FANCC: variants seen among roughly 807,000 people sequenced by gnomAD.
FANCC encodes the protein FA complementation group C, also known as Fanconi anemia group C protein.
A neutral mutation model predicts 71.3 loss-of-function variants in FANCC; 55 were observed. The ratio of observed to expected loss-of-function variants is 0.77; its 90% confidence interval spans 0.62 to 0.97. The LOEUF is 0.97. FANCC is among the 50% of genes least tolerant of loss of function. The probability of loss-of-function intolerance (pLI) is 0.00; values close to 1 mark genes in which losing one functional copy is unlikely to be tolerated. For missense variants in FANCC, 678 were observed against 670.9 expected, an observed-to-expected ratio of 1.01 and a Z score of -0.12; for synonymous variants, 275 against 244.9, an observed-to-expected ratio of 1.12 and a Z score of -1.15.
chr9:95,266,290 G>A (rs1832380094), intron 1 of FANCC, among the ~76,000 whole-genome samples: 1 of 152,098 alleles, frequency 6.6e-6, no homozygotes, highest in South Asian at 2.1e-4. Context: ...TCTACAAAAT[G>A]AGTAAAATTT....
chr9:95,242,170 A>AT (rs1204673841), intron 3 of FANCC, among the ~76,000 whole-genome samples: 3 of 152,034 alleles, frequency 2.0e-5, no homozygotes, highest in Admixed American at 1.3e-4. Flanking sequence ...GAGGCCATTC[A>AT]TTTTTTTCCC....
chr9:95,154,048 C>T (rs958727411), intron 6 of FANCC, among the ~76,000 whole-genome samples: 2 of 151,852 alleles, frequency 1.3e-5, no homozygotes, highest in African/African-American at 4.8e-5. Context: ...GAGTACGAGA[C>T]CAGCCTGATC....
chr9:95,300,935 C>T (rs749449279), intron 1 of FANCC, among the ~76,000 whole-genome samples: 1 of 152,104 alleles, frequency 6.6e-6, no homozygotes, highest in East Asian at 1.9e-4. Flanking sequence ...TAAAATTAAA[C>T]GAAATGAAAG....
chr9:95,220,271 G>A (rs943544517), intron 4 of FANCC, among the ~76,000 whole-genome samples: 1 of 152,196 alleles, frequency 6.6e-6, no homozygotes, highest in African/African-American at 2.4e-5. Flanking sequence ...CTGTTGGTGG[G>A]AGTATAAACA....
chr9:95,148,264 AC>A (rs1328528702), intron 7 of FANCC, among the ~76,000 whole-genome samples: 2 of 152,170 alleles, frequency 1.3e-5, no homozygotes, highest in African/African-American at 4.8e-5. Flanking sequence ...CTGCTTCATA[AC>A]AAAAAAAGAC....
intron 3 of FANCC, among the ~76,000 whole-genome samples, chr9:95,243,369 ATCTTT>A (rs1830745215): frequency 6.6e-6 from 1 of 152,154 alleles, no homozygotes; most frequent in South Asian, 2.1e-4. Flanking sequence ...TCTTTTCAGT[ATCTTT>A]TCATTTCCAA....
intron 4 of FANCC, among the ~76,000 whole-genome samples, chr9:95,221,994 T>C (rs1359930242): frequency 1.3e-5 from 2 of 151,972 alleles, no homozygotes; most frequent in Non-Finnish European, 2.9e-5. Flanking sequence ...TAGGCATTTA[T>C]CCAAGGGAAA....
chr9:95,106,188 T>G (rs1414200160), intron 14 of FANCC, among the ~76,000 whole-genome samples: 1 of 152,184 alleles, frequency 6.6e-6, no homozygotes, highest in East Asian at 1.9e-4. Context: ...TCGCTGCACT[T>G]TGCCTTTCCC....
chr9:95,168,011 T>C (rs1035118858), intron 6 of FANCC, among the ~76,000 whole-genome samples: 1 of 152,222 alleles, frequency 6.6e-6, no homozygotes, highest in African/African-American at 2.4e-5. Context: ...TGGAGGTCCC[T>C]CAAACCTTTT....
intron 8 of FANCC, among the ~76,000 whole-genome samples, chr9:95,128,838 G>GT (rs1315392922): frequency 1.3e-5 from 2 of 151,952 alleles, no homozygotes; most frequent in Non-Finnish European, 2.9e-5. Flanking sequence ...TTTAAAACAG[G>GT]TAAGAGGCCA....
At chr9:95,230,964 A>G (rs1019155057) in intron 4 of FANCC, among the ~76,000 whole-genome samples, 1 of 152,176 alleles carries the variant, frequency 6.6e-6, no homozygotes, top group Non-Finnish European at 1.5e-5. Context: ...ACAATCCTTT[A>G]GCTACATACA....
At chr9:95,199,616 CACAG>C (rs1312810506) in intron 4 of FANCC, among the ~76,000 whole-genome samples, 4 of 152,182 alleles carry the variant, frequency 2.6e-5, no homozygotes, top group African/African-American at 9.7e-5. Context: ...CCCAGCACAG[CACAG>C]ACAGTGCCCA....
chr9:95,203,786 CTT>C (rs1416725460), intron 4 of FANCC, among the ~76,000 whole-genome samples: 4 of 152,076 alleles, frequency 2.6e-5, no homozygotes, highest in African/African-American at 9.7e-5. Flanking sequence ...TTGCAAATCT[CTT>C]TAATGTTTGT....
chr9:95,290,680 G>T (rs1007657311), intron 1 of FANCC, among the ~76,000 whole-genome samples: 6 of 152,038 alleles, frequency 3.9e-5, no homozygotes, highest in Non-Finnish European at 7.4e-5. Flanking sequence ...AGAAACTAAA[G>T]GCAAAGAGGA....
At chr9:95,305,139 G>A (rs1834999916) in intron 1 of FANCC, among the ~76,000 whole-genome samples, 1 of 152,078 alleles carries the variant, frequency 6.6e-6, no homozygotes, top group African/African-American at 2.4e-5. Flanking sequence ...TTCAGTAAAG[G>A]CAAATGGAAT....
intron 4 of FANCC, among the ~76,000 whole-genome samples, chr9:95,182,233 G>A (rs1032179183): frequency 9.3e-5 from 14 of 150,398 alleles, no homozygotes; most frequent in Non-Finnish European, 1.9e-4. Flanking sequence ...AAAAAAAAAA[G>A]GTGTTGGCCA....
At chr9:95,201,207 A>T (rs922855919) in intron 4 of FANCC, among the ~76,000 whole-genome samples, 1 of 152,032 alleles carries the variant, frequency 6.6e-6, no homozygotes, top group African/African-American at 2.4e-5. Flanking sequence ...GCCAATAAAA[A>T]AAATTTTTTT....
At chr9:95,108,940 C>T (rs553432612) in intron 13 of FANCC, among the ~76,000 whole-genome samples, 1 of 150,390 alleles carries the variant, frequency 6.6e-6, no homozygotes, top group Non-Finnish European at 1.5e-5. Flanking sequence ...GAGCCTTGCT[C>T]TGTCACCCAG....
chr9:95,246,260 C>T (rs1008468317), intron 3 of FANCC, among the ~76,000 whole-genome samples: 1 of 152,102 alleles, frequency 6.6e-6, no homozygotes, highest in African/African-American at 2.4e-5. Flanking sequence ...GGAGGAGGGA[C>T]ATACGAGGGT....
Sources: gnomAD v4.1 joint callset for allele counts (sites outside exome capture counted in the v4.1 genomes callset) on GRCh38, gnomAD v4.1.1 for gene constraint, MANE v1.5 for transcripts, NCBI Gene and HGNC (gene_info 2026-07-23, HGNC 2026-07-21) for gene names.